CDH4: variants seen among roughly 807,000 people sequenced by gnomAD.
CDH4 encodes the protein cadherin-4.
In CDH4, 33 loss-of-function variants were observed where a neutral mutation model predicts 86.0. The observed-to-expected ratio is 0.38, with a 90% CI of 0.29 to 0.51. The LOEUF (loss-of-function observed/expected upper bound fraction) is 0.51, where lower values mean the gene tolerates loss of function less well. CDH4 is among the 20% of genes least tolerant of loss of function. The pLI is 0.86. For missense variants in CDH4, 1,114 were observed against 1,307.4 expected, an observed-to-expected ratio of 0.85 and a Z score of 2.28; for synonymous variants, 555 against 549.4, an observed-to-expected ratio of 1.01 and a Z score of -0.14.
intron 2 of CDH4, among the ~76,000 whole-genome samples, chr20:61,338,631 G>C (rs935904346): frequency 1.3e-5 from 2 of 152,128 alleles, no homozygotes; most frequent in East Asian, 1.9e-4. Context: ...TCCAGACTAA[G>C]TTGCTCCCTG....
intron 4 of CDH4, among the ~76,000 whole-genome samples, chr20:61,785,286 T>C (rs938847987): frequency 1.3e-5 from 2 of 152,104 alleles, no homozygotes; most frequent in African/African-American, 4.8e-5. Context: ...GGCAGCTCAG[T>C]TTTGCCTACC....
intron 2 of CDH4, among the ~76,000 whole-genome samples, chr20:61,289,293 A>C (rs954135152): frequency 1.3e-5 from 2 of 152,204 alleles, no homozygotes; most frequent in Non-Finnish European, 2.9e-5. Flanking sequence ...GGGACACCAA[A>C]GCTCACAGGA....
intron 2 of CDH4, among the ~76,000 whole-genome samples, chr20:61,632,714 C>CA (rs2086902283): frequency 6.6e-6 from 1 of 151,444 alleles, no homozygotes; most frequent in Non-Finnish European, 1.5e-5. Flanking sequence ...GACAAGCCAC[C>CA]AACCAGCCAC....
chr20:61,498,324 A>G (rs1007663395), intron 2 of CDH4, among the ~76,000 whole-genome samples: 2 of 152,204 alleles, frequency 1.3e-5, no homozygotes, highest in Admixed American at 6.5e-5. Flanking sequence ...TTGAAAAAGG[A>G]GTTTCAGAAT....
chr20:61,491,084 G>T (rs984020706), intron 2 of CDH4, among the ~76,000 whole-genome samples: 1 of 152,134 alleles, frequency 6.6e-6, no homozygotes, highest in African/African-American at 2.4e-5. Flanking sequence ...TGACTCCATT[G>T]CAATACAACA....
chr20:61,300,744 C>T (rs1260324259), intron 2 of CDH4, among the ~76,000 whole-genome samples: 1 of 152,194 alleles, frequency 6.6e-6, no homozygotes, highest in Non-Finnish European at 1.5e-5. Context: ...TCATGGGTCC[C>T]CTGTCAGGGG....
chr20:61,495,199 T>C (rs1453865067), intron 2 of CDH4, among the ~76,000 whole-genome samples: 1 of 152,238 alleles, frequency 6.6e-6, no homozygotes, highest in Non-Finnish European at 1.5e-5. Context: ...CAGGACTTAA[T>C]GTTGAGTCTG....
intron 2 of CDH4, among the ~76,000 whole-genome samples, chr20:61,339,677 G>T (rs2084639377): frequency 6.6e-6 from 1 of 152,176 alleles, no homozygotes; most frequent in Non-Finnish European, 1.5e-5. Context: ...GGTAGGTTAT[G>T]AATGAAATTG....
intron 2 of CDH4, among the ~76,000 whole-genome samples, chr20:61,523,866 A>ATTTTT (rs2085891151): frequency 1.3e-5 from 2 of 152,278 alleles, no homozygotes; most frequent in Non-Finnish European, 2.9e-5. Flanking sequence ...CAAAAAAGTC[A>ATTTTT]AATTAAAAAT....
intron 2 of CDH4, among the ~76,000 whole-genome samples, chr20:61,647,744 T>C (rs1043922097): frequency 1.3e-5 from 2 of 152,016 alleles, no homozygotes; most frequent in South Asian, 4.2e-4. Flanking sequence ...GCTCTGTAGG[T>C]ACCACGGGGA....
At chr20:61,669,524 C>A (rs2087363637) in intron 2 of CDH4, among the ~76,000 whole-genome samples, 1 of 152,200 alleles carries the variant, frequency 6.6e-6, no homozygotes, top group Non-Finnish European at 1.5e-5. Context: ...GTGGCCTATG[C>A]CTCAGCCCCT....
chr20:61,278,928 C>T (rs900754842), intron 2 of CDH4, among the ~76,000 whole-genome samples: 2 of 152,252 alleles, frequency 1.3e-5, no homozygotes, highest in Non-Finnish European at 1.5e-5. Flanking sequence ...TCATGATTGA[C>T]TTCTGGAGGC....
intron 2 of CDH4, among the ~76,000 whole-genome samples, chr20:61,294,470 A>G (rs947764739): frequency 6.6e-6 from 1 of 152,146 alleles, no homozygotes; most frequent in African/African-American, 2.4e-5. Context: ...CAGAGGAAAC[A>G]CAGCTGCTCT....
intron 2 of CDH4, among the ~76,000 whole-genome samples, chr20:61,337,450 T>C (rs1466724053): frequency 1.3e-5 from 2 of 151,386 alleles, no homozygotes; most frequent in Non-Finnish European, 2.9e-5. Flanking sequence ...CAATGGATGA[T>C]GAGGAGAAGA....
chr20:61,771,619 C>A (rs2088776748), intron 3 of CDH4, among the ~76,000 whole-genome samples: 1 of 84,962 alleles, frequency 1.2e-5, no homozygotes. Context: ...GAGACTCCAT[C>A]TCAAAAAAAA....
In CDH4 at chr20:61,708,236, G is replaced by A. The variant is rs2087853066; in HGVS notation, c.170-35327G>A. On this transcript the variant is annotated intron_variant, in intron 2 of 15. Coordinates refer to ENST00000614565, the MANE Select transcript of CDH4 (RefSeq NM_001794.5). The surrounding 1 kb of genome is among the most constrained non-coding windows in gnomAD (Gnocchi z 4.5). The stretch of plus-strand genomic sequence containing the variant: ...CCTGCACACACACACAGGGCTGAGT[G>A]TAGCGTGGCCAGCAGGGGGTTGACT... Among the ~76,000 whole-genome samples the A allele has an allele frequency of 6.6e-6, 1 of 152,174 alleles. No homozygotes were observed. The highest frequency in any genetic ancestry group is 2.1e-4 in the South Asian group (1 of 4,834).
chr20:61,455,290 A>G (rs934185699), intron 2 of CDH4, among the ~76,000 whole-genome samples: 1 of 152,248 alleles, frequency 6.6e-6, no homozygotes, highest in African/African-American at 2.4e-5. Flanking sequence ...CACAGCCACA[A>G]GGTCTATGGC....
Position 61,939,209 on chromosome 20 carries a change from ACTC to A in CDH4, c.*2269_*2271del, listed in dbSNP as rs1330635138. On this transcript the variant is annotated 3_prime_UTR_variant, in exon 16 of 16. Coordinates refer to ENST00000614565, the MANE Select transcript of CDH4 (RefSeq NM_001794.5). ...TGGCCCGGGAGCCAGGGCAGCATGA[ACTC>A]CTTTCTCTGAAATTTCGAGGCCTCC... The A allele has an allele frequency of 6.6e-6, 1 of 151,570 alleles. No homozygotes were observed. Among genetic ancestry groups the A allele is most frequent in the African/African-American group, 2.4e-5 (1 of 41,194 alleles). The allele number at this position is 151,570 out of a possible 1,614,324, so 9.4% of individuals were successfully genotyped here. A position where few individuals can be genotyped will look rare whatever the true frequency, so the allele number is the denominator to read the frequency against.
At chr20:61,402,767 GCTGA>G (rs1328258063) in intron 2 of CDH4, among the ~76,000 whole-genome samples, 1 of 152,198 alleles carries the variant, frequency 6.6e-6, no homozygotes, top group African/African-American at 2.4e-5. Context: ...GATATGGAGG[GCTGA>G]CTATCTACAT....
Sources: gnomAD v4.1 joint callset for allele counts (sites outside exome capture counted in the v4.1 genomes callset) on GRCh38, gnomAD v4.1.1 for gene constraint, Gnocchi (gnomAD v3.1) non-coding constraint, MANE v1.5 for transcripts, NCBI Gene and HGNC (gene_info 2026-07-23, HGNC 2026-07-21) for gene names.